The following SNTG2 variants were observed in gnomAD, a reference collection of about 807,000 sequenced individuals.
The protein encoded by SNTG2 is gamma-2-syntrophin.
Under a neutral mutation model 70.9 loss-of-function variants are expected in SNTG2, and 74 were observed. That is an observed-to-expected ratio of 1.04 (90% CI 0.86 to 1.27). The LOEUF (loss-of-function observed/expected upper bound fraction) is 1.27. Ranked by LOEUF, SNTG2 falls within the 50% of genes most tolerant of loss-of-function variation. The pLI is 0.00. For synonymous variants in SNTG2, 278 were observed against 273.8 expected, an observed-to-expected ratio of 1.02 and a Z score of -0.15; for missense variants, 717 against 690.7, an observed-to-expected ratio of 1.04 and a Z score of -0.43.
chr2:1,223,380 G>T (rs933260482), intron 9 of SNTG2, among the ~76,000 whole-genome samples: 1 of 151,196 alleles, frequency 6.6e-6, no homozygotes, highest in East Asian at 2.0e-4. Context: ...GTGCTGAATC[G>T]CTGTAGAGGA....
Position 1,217,813 on chromosome 2 carries a change from T to C in SNTG2, c.719+8583T>C, listed in dbSNP as rs555014071. On this transcript the variant is annotated intron_variant, in intron 9 of 16. Coordinates refer to ENST00000308624, the MANE Select transcript of SNTG2 (RefSeq NM_018968.4). ...GGTGGAGATGCTAGAGTTTTGTCTG[T>C]CTTTACCATATCAGTTTTCTATTGC... 2.6e-5 allele frequency among the ~76,000 whole-genome samples: 4 copies of C among 152,310 alleles called. No individual in the cohort carries two copies. The East Asian group carries it at 7.7e-4, about 29-fold the overall frequency.
intron 16 of SNTG2, among the ~76,000 whole-genome samples, chr2:1,322,901 G>A (rs928020212): frequency 4.6e-5 from 7 of 152,112 alleles, no homozygotes; most frequent in Admixed American, 6.5e-5. Context: ...GGGCTCAGAG[G>A]AAGGCCCAGA....
intron 9 of SNTG2, among the ~76,000 whole-genome samples, chr2:1,220,640 G>T (rs943947265): frequency 6.6e-6 from 1 of 152,218 alleles, no homozygotes; most frequent in Non-Finnish European, 1.5e-5. Context: ...TTCTTTTGAC[G>T]ATAGAAGATT....
intron 9 of SNTG2, among the ~76,000 whole-genome samples, chr2:1,223,951 C>A (rs1675567206): frequency 6.6e-6 from 1 of 152,190 alleles, no homozygotes; most frequent in Non-Finnish European, 1.5e-5. Flanking sequence ...AGATGGGTGG[C>A]CTTATGCAGC....
chr2:1,074,065 A>G (rs1216257417), intron 1 of SNTG2, among the ~76,000 whole-genome samples: 2 of 152,204 alleles, frequency 1.3e-5, no homozygotes, highest in Non-Finnish European at 2.9e-5. Context: ...AACCGCCCAG[A>G]TAGGTTCCCA....
chr2:976,405 A>G (rs1238756328), intron 1 of SNTG2, among the ~76,000 whole-genome samples: 1 of 152,130 alleles, frequency 6.6e-6, no homozygotes, highest in African/African-American at 2.4e-5. Flanking sequence ...TGTCTTTGGA[A>G]TGATTGAGAG....
At chr2:1,246,160 T>C (rs1283247014) in intron 11 of SNTG2, among the ~76,000 whole-genome samples, 1 of 152,214 alleles carries the variant, frequency 6.6e-6, no homozygotes, top group Admixed American at 6.5e-5. Context: ...CTAAAACGTT[T>C]AATGCATCAG....
chr2:1,044,647 AAT>A (rs777158552), intron 1 of SNTG2, among the ~76,000 whole-genome samples: 5 of 152,102 alleles, frequency 3.3e-5, no homozygotes, highest in Non-Finnish European at 4.4e-5. Flanking sequence ...TTGAGATGAT[AAT>A]ATGTTTTTTT....
chr2:1,101,230 C>T (rs892096010), intron 4 of SNTG2, among the ~76,000 whole-genome samples: 2 of 152,186 alleles, frequency 1.3e-5, no homozygotes, highest in African/African-American at 2.4e-5. Flanking sequence ...GCCCCCTCCC[C>T]CAGCCAGCTT....
intron 1 of SNTG2, among the ~76,000 whole-genome samples, chr2:973,540 A>AT (rs112608538): frequency 0.17 from 22,421 of 133,756 alleles, 1,807 homozygotes; most frequent in Middle Eastern, 0.27. Context: ...ATATATATAT[A>AT]TTTTTTTTTA....
At chr2:1,272,838 G>GTGCAGAAAGGGCATCCCAGGGAAGAGT (rs1356510206) in intron 14 of SNTG2, among the ~76,000 whole-genome samples, 4 of 152,086 alleles carry the variant, frequency 2.6e-5, no homozygotes, top group Non-Finnish European at 5.9e-5. Flanking sequence ...CAGGGAAGAG[G>GTGCAGAAAGGGCATCCCAGGGAAGAGT]TGTAGAAAGG....
At chr2:961,794 G>A (rs776056469) in intron 1 of SNTG2, among the ~76,000 whole-genome samples, 1 of 152,244 alleles carries the variant, frequency 6.6e-6, no homozygotes, top group Non-Finnish European at 1.5e-5. Context: ...GAGAAAGGAA[G>A]TGCTTTTAGC....
intron 4 of SNTG2, among the ~76,000 whole-genome samples, chr2:1,114,054 C>T (rs894373320): frequency 1.4e-4 from 21 of 148,616 alleles, no homozygotes; most frequent in Non-Finnish European, 1.5e-4. Context: ...TGAGGTTTAA[C>T]CCTTACAGTC....
intron 1 of SNTG2, among the ~76,000 whole-genome samples, chr2:974,828 T>C (rs1660856812): frequency 6.6e-6 from 1 of 152,286 alleles, no homozygotes; most frequent in Non-Finnish European, 1.5e-5. Flanking sequence ...TTTGTGCTTT[T>C]ACACTCTCTG....
chr2:1,132,050 C>T (rs1668052258), intron 4 of SNTG2, among the ~76,000 whole-genome samples: 1 of 152,162 alleles, frequency 6.6e-6, no homozygotes, highest in Non-Finnish European at 1.5e-5. Flanking sequence ...CTATCAAATA[C>T]ACATTCTCAT....
At chr2:1,340,273 A>T (rs890848114) in intron 16 of SNTG2, among the ~76,000 whole-genome samples, 4 of 152,168 alleles carry the variant, frequency 2.6e-5, no homozygotes, top group African/African-American at 9.6e-5. Context: ...ACCCTGGAAG[A>T]AGGGGTGGGA....
intron 13 of SNTG2, 105 bp from the exon 14 acceptor site, chr2:1,267,260 C>T (rs1442358638): frequency 4.7e-6 from 5 of 1,073,644 alleles, no homozygotes; most frequent in South Asian, 4.5e-5. Flanking sequence ...CCCAGGAGAC[C>T]GTTTCCCAGA....
chr2:1,367,137 A>G (rs72772302), intron 16 of SNTG2, among the ~76,000 whole-genome samples: 5,128 of 152,318 alleles, frequency 0.034, 112 homozygotes, highest in Non-Finnish European at 0.05. Flanking sequence ...AAAAATACCC[A>G]GTATATTCAT....
intron 1 of SNTG2, among the ~76,000 whole-genome samples, chr2:1,051,148 C>CTCTT (rs1352338923): frequency 3.6e-5 from 3 of 83,724 alleles, no homozygotes; most frequent in Non-Finnish European, 7.6e-5. Flanking sequence ...TTTCCTTCCT[C>CTCTT]CCTCCCTCTC....
Sources: allele counts gnomAD v4.1 joint callset (sites outside exome capture counted in the v4.1 genomes callset), GRCh38; gene constraint gnomAD v4.1.1; transcripts MANE v1.5; gene names NCBI Gene and HGNC (gene_info 2026-07-23, HGNC 2026-07-21).